SNX13: variants seen among roughly 807,000 people sequenced by gnomAD.
SNX13 encodes sorting nexin-13.
A neutral mutation model predicts 133.6 loss-of-function variants in SNX13; 45 were observed. The ratio of observed to expected loss-of-function variants is 0.34; its 90% CI spans 0.27 to 0.43. The LOEUF is 0.43. Ranked by LOEUF, SNX13 falls within the 20% of genes least tolerant of loss-of-function variation. The pLI, the probability that SNX13 is intolerant of heterozygous loss-of-function variation, is 1.00. For synonymous variants in SNX13, 414 were observed against 373.9 expected, an observed-to-expected ratio of 1.11 and a Z score of -1.24; for missense variants, 1,032 against 1,145.1, an observed-to-expected ratio of 0.90 and a Z score of 1.43.
intron 1 of SNX13, among the ~76,000 whole-genome samples, chr7:17,919,729 G>C (rs1296846562): frequency 6.6e-6 from 1 of 152,146 alleles, no homozygotes; most frequent in Non-Finnish European, 1.5e-5. Flanking sequence ...AGCGAAACAA[G>C]CATCATTTAA....
At chr7:17,829,480 T>C (rs536951221) in intron 16 of SNX13, among the ~76,000 whole-genome samples, 1 of 151,588 alleles carries the variant, frequency 6.6e-6, no homozygotes, top group South Asian at 2.1e-4. Context: ...TCATTAAGGA[T>C]GTAGTTGCTG....
chr7:17,796,676 T>TGCCTAGTAC (rs1784086705), intron 25 of SNX13, 151 bp downstream of exon 25: 1 of 617,014 alleles, frequency 1.6e-6, no homozygotes, highest in Non-Finnish European at 2.9e-6. Flanking sequence ...ATTAAGAACA[T>TGCCTAGTAC]ATGAGAAATG....
At chr7:17,824,066 A>C (rs1787600641) in intron 17 of SNX13, among the ~76,000 whole-genome samples, 1 of 152,168 alleles carries the variant, frequency 6.6e-6, no homozygotes, top group African/African-American at 2.4e-5. Context: ...TATTGGGGTT[A>C]CATATATTGG....
At chr7:17,909,306 A>G (rs904055098) in intron 1 of SNX13, among the ~76,000 whole-genome samples, 2 of 152,122 alleles carry the variant, frequency 1.3e-5, no homozygotes, top group Non-Finnish European at 1.5e-5. Context: ...CTCCTCAAAG[A>G]CTAGAGGCAG....
Position 17,821,548 on chromosome 7 carries a change from A to G in SNX13, c.1806T>C (p.Tyr602=), listed in dbSNP as rs1787278511. 21 of 1,613,626 alleles carry G rather than the reference A, an allele frequency of 1.3e-5. No homozygotes were observed. The highest frequency in any genetic ancestry group is 2.2e-5 in the South Asian group (2 of 91,026). ...SEEMWKTYRR[Y]SDFHDFHMRI... ...TCATGTGGAAGTCATGGAAGTCACTATAACGACGATAGGTTTTCCACATCT... is the reference window on the plus strand; with the variant it reads ...TCATGTGGAAGTCATGGAAGTCACTGTAACGACGATAGGTTTTCCACATCT... Residue 602 remains tyrosine, a synonymous_variant, in exon 18 of 26, where the codon TAT becomes TAC. Transcript: ENST00000428135.
intron 8 of SNX13, among the ~76,000 whole-genome samples, chr7:17,871,417 T>C (rs1376005214): frequency 6.6e-6 from 1 of 152,142 alleles, no homozygotes; most frequent in Non-Finnish European, 1.5e-5. Flanking sequence ...ACAAAGACCA[T>C]CCTTGACCAA....
At position 17,940,344 on chromosome 7, in the gene SNX13, ACAGCCGTAGCAG is replaced by A; in HGVS notation, c.-61_-50del. On this transcript the variant is annotated 5_prime_UTR_variant, in exon 1 of 26. Coordinates refer to ENST00000428135, the MANE Select transcript of SNX13 (RefSeq NM_015132.5). ...TCCTCCCTAGCCTCGCCTCATGGCA[ACAGCCGTAGCAG>A]CAGCGAAAACTGCTCGGGCCGCCGC... 6.4e-7 allele frequency: 1 copy of A among 1,557,422 alleles called. No homozygotes were observed. Among genetic ancestry groups the A allele is most frequent in the African/African-American group, 1.4e-5 (1 of 73,402 alleles).
At chr7:17,803,253 G>A (rs951845836) in intron 21 of SNX13, among the ~76,000 whole-genome samples, 166 bp downstream of exon 21, 1 of 152,092 alleles carries the variant, frequency 6.6e-6, no homozygotes, top group Non-Finnish European at 1.5e-5. Context: ...CTCATTTCTG[G>A]TAAGAATTTT....
At position 17,825,257 on chromosome 7, in the gene SNX13, AACTAGACTAGACTAGACTAG is replaced by A. The variant is rs3056689; in HGVS notation, c.1705+745_1705+764del. ...AGTTAATGTCTTCTAAACTAGATTA[AACTAGACTAGACTAGACTAG>A]ACTAGACTAGACTAGACTAGACTAG... is the stretch of plus-strand genomic sequence containing the variant. On this transcript the variant is annotated intron_variant, in intron 17 of 25. Coordinates refer to ENST00000428135, the MANE Select transcript of SNX13 (RefSeq NM_015132.5). Among the ~76,000 whole-genome samples, 337 of 146,512 alleles carry A rather than the reference AACTAGACTAGACTAGACTAG, an allele frequency of 2.3e-3. 3 individuals are homozygous for A. The highest frequency in any genetic ancestry group is 6.3e-3 in the African/African-American group (250 of 39,390).
chr7:17,895,430 C>T (rs1797097590), intron 2 of SNX13, among the ~76,000 whole-genome samples: 1 of 152,106 alleles, frequency 6.6e-6, no homozygotes, highest in African/African-American at 2.4e-5. Context: ...AAGGAGTTAA[C>T]TTTGACTATA....
chr7:17,917,362 G>C (rs888691331), intron 1 of SNX13, among the ~76,000 whole-genome samples: 1 of 152,068 alleles, frequency 6.6e-6, no homozygotes, highest in African/African-American at 2.4e-5. Context: ...AAAAGAAGAA[G>C]TCAAATAATT....
chr7:17,902,157 T>A (rs895314737), intron 1 of SNX13, among the ~76,000 whole-genome samples: 2 of 151,954 alleles, frequency 1.3e-5, no homozygotes, highest in Admixed American at 1.3e-4. Context: ...CAAAGTCCTA[T>A]TCATTCATTC....
intron 12 of SNX13, among the ~76,000 whole-genome samples, chr7:17,845,071 C>A (rs772332791): frequency 4.6e-5 from 7 of 151,820 alleles, no homozygotes; most frequent in Admixed American, 6.6e-5. Context: ...CAACATAGTA[C>A]TGGAAGTACT....
At chr7:17,833,233 G>A (rs1788729987) in intron 15 of SNX13, among the ~76,000 whole-genome samples, 1 of 151,570 alleles carries the variant, frequency 6.6e-6, no homozygotes, top group South Asian at 2.1e-4. Context: ...GGAAGCTTGT[G>A]TTCTAAAGGC....
chr7:17,867,169 C>T (rs1793495365), intron 9 of SNX13, among the ~76,000 whole-genome samples: 1 of 152,012 alleles, frequency 6.6e-6, no homozygotes, highest in African/African-American at 2.4e-5. Flanking sequence ...GTGCCTAATG[C>T]AAAGTCTAAA....
chr7:17,813,171 T>C (rs993419588), intron 20 of SNX13, among the ~76,000 whole-genome samples: 4 of 152,170 alleles, frequency 2.6e-5, no homozygotes, highest in African/African-American at 9.7e-5. Flanking sequence ...ACGTGTGCTA[T>C]TGTTGTTTGG....
intron 1 of SNX13, among the ~76,000 whole-genome samples, chr7:17,917,924 A>G (rs1460374059): frequency 2.0e-5 from 3 of 152,190 alleles, no homozygotes; most frequent in Non-Finnish European, 4.4e-5. Flanking sequence ...ATACAAGGCT[A>G]CAACAATCAA....
chr7:17,924,181 G>A (rs538065488), intron 1 of SNX13, among the ~76,000 whole-genome samples: 9 of 152,198 alleles, frequency 5.9e-5, no homozygotes, highest in African/African-American at 2.2e-4. Context: ...ACACCATCAA[G>A]AAAATGAAAA....
intron 1 of SNX13, among the ~76,000 whole-genome samples, chr7:17,917,353 A>G (rs1201796603): frequency 6.6e-6 from 1 of 152,176 alleles, no homozygotes; most frequent in Non-Finnish European, 1.5e-5. Flanking sequence ...CCAAATAGAA[A>G]AAGAAGAAGT....
Sources: gnomAD v4.1 joint callset for allele counts (sites outside exome capture counted in the v4.1 genomes callset) on GRCh38, gnomAD v4.1.1 for gene constraint, MANE v1.5 for transcripts, NCBI Gene and HGNC (gene_info 2026-07-23, HGNC 2026-07-21) for gene names.